Variants in RNLS observed in about 807,000 individuals in gnomAD.
RNLS encodes renalase.
RNLS carries 39 observed loss-of-function variants against 39.8 expected under a neutral mutation model. The observed-to-expected ratio is 0.98, with a 90% CI of 0.76 to 1.28. The LOEUF (loss-of-function observed/expected upper bound fraction) is 1.28. Ranked by LOEUF, RNLS falls within the 50% of genes most tolerant of loss-of-function variation. The pLI is 0.00. For synonymous variants in RNLS, 147 were observed against 150.7 expected (o/e 0.98, Z 0.18); for missense variants, 410 against 413.3 (o/e 0.99, Z 0.07).
the RNLS span, among the ~76,000 whole-genome samples, chr10:88,252,322 C>T: frequency 1.3e-5 from 2 of 152,248 alleles, no homozygotes; most frequent in South Asian, 2.1e-4. Flanking sequence ...TTCTCTAAGC[C>T]GTCAATCAGA....
intron 5 of RNLS, among the ~76,000 whole-genome samples, chr10:88,362,342 T>C (rs750346371): frequency 6.6e-6 from 1 of 152,162 alleles, no homozygotes; most frequent in Admixed American, 6.6e-5. Flanking sequence ...CTCAGTAATA[T>C]AAACCATGTG....
At chr10:88,451,330 G>A (rs1297271055) in intron 4 of RNLS, among the ~76,000 whole-genome samples, 2 of 152,210 alleles carry the variant, frequency 1.3e-5, no homozygotes, top group African/African-American at 4.8e-5. Flanking sequence ...GGATAGAAGT[G>A]ACTGGAGAAG....
At chr10:88,570,141 G>A (rs1207784293) in intron 4 of RNLS, among the ~76,000 whole-genome samples, 1 of 151,980 alleles carries the variant, frequency 6.6e-6, no homozygotes, top group Non-Finnish European at 1.5e-5. Context: ...ATTAATACAA[G>A]AAAAAATACT....
chr10:88,494,858 C>T (rs1845078402), intron 4 of RNLS, among the ~76,000 whole-genome samples: 1 of 152,104 alleles, frequency 6.6e-6, no homozygotes, highest in Non-Finnish European at 1.5e-5. Flanking sequence ...AATTTCAGGA[C>T]ATCAAGAAAA....
chr10:88,334,151 G>A (rs1847317770), intron 5 of RNLS, among the ~76,000 whole-genome samples: 1 of 152,128 alleles, frequency 6.6e-6, no homozygotes, highest in African/African-American at 2.4e-5. Context: ...AATTATTTCT[G>A]ATATAGCTAA....
intron 4 of RNLS, among the ~76,000 whole-genome samples, chr10:88,478,718 T>A (rs1255457299): frequency 6.6e-6 from 1 of 152,164 alleles, no homozygotes; most frequent in Admixed American, 6.6e-5. Flanking sequence ...TATAATATAC[T>A]CTGTACCATT....
chr10:88,469,860 T>TGC (rs1251894031), intron 4 of RNLS, among the ~76,000 whole-genome samples: 8 of 148,520 alleles, frequency 5.4e-5, no homozygotes, highest in Middle Eastern at 3.5e-3. Context: ...TGTGTGTGTG[T>TGC]GCTTTGCTCC....
At chr10:88,293,625 T>C (rs1400044501) in intron 6 of RNLS, among the ~76,000 whole-genome samples, 1 of 152,130 alleles carries the variant, frequency 6.6e-6, no homozygotes, top group Non-Finnish European at 1.5e-5. Flanking sequence ...AAATTTTTAA[T>C]TGAAGAATTA....
chr10:88,357,871 A>G (rs551545374), intron 5 of RNLS, among the ~76,000 whole-genome samples: 113 of 152,332 alleles, frequency 7.4e-4, no homozygotes, highest in African/African-American at 2.6e-3. Flanking sequence ...GAGTCAAAAA[A>G]TGGATGGAGC....
intron 4 of RNLS, among the ~76,000 whole-genome samples, chr10:88,546,362 A>G (rs1196266245): frequency 6.6e-6 from 1 of 152,034 alleles, no homozygotes; most frequent in East Asian, 1.9e-4. Context: ...AAAAAGAAAA[A>G]ATGATTTGCT....
chr10:88,380,876 C>T (rs1270790904), intron 4 of RNLS, among the ~76,000 whole-genome samples: 4 of 152,150 alleles, frequency 2.6e-5, no homozygotes, highest in African/African-American at 9.7e-5. Flanking sequence ...TCAGTTGTCT[C>T]TGTACCATTT....
chr10:88,344,700 T>A (rs550127170), intron 5 of RNLS, among the ~76,000 whole-genome samples: 4 of 152,274 alleles, frequency 2.6e-5, no homozygotes, highest in Non-Finnish European at 5.9e-5. Flanking sequence ...TGTAAGGATA[T>A]ATAACAACAG....
At chr10:88,501,245 T>C (rs1845469030) in intron 4 of RNLS, among the ~76,000 whole-genome samples, 1 of 152,126 alleles carries the variant, frequency 6.6e-6, no homozygotes. Flanking sequence ...TAATTATGAA[T>C]TAGCTGTAAA....
At chr10:88,352,646 T>C (rs528710212) in intron 5 of RNLS, among the ~76,000 whole-genome samples, 1 of 152,364 alleles carries the variant, frequency 6.6e-6, no homozygotes, top group Admixed American at 6.5e-5. Flanking sequence ...ATCAGGGATA[T>C]TGGCCTAAGG....
intron 4 of RNLS, among the ~76,000 whole-genome samples, chr10:88,380,385 T>TA (rs1851359057): frequency 1.1e-5 from 1 of 94,436 alleles, no homozygotes; most frequent in Non-Finnish European, 2.1e-5. Flanking sequence ...TTTTTTTTTT[T>TA]TTTTTGAGAC....
At chr10:88,365,170 C>T (rs1849963885) in intron 4 of RNLS, among the ~76,000 whole-genome samples, 1 of 151,974 alleles carries the variant, frequency 6.6e-6, no homozygotes, top group Non-Finnish European at 1.5e-5. Flanking sequence ...ACAATTCATT[C>T]CGAGAACAGG....
the RNLS span, among the ~76,000 whole-genome samples, chr10:88,213,648 C>G: frequency 6.6e-6 from 1 of 152,070 alleles, no homozygotes; most frequent in Non-Finnish European, 1.5e-5. Context: ...TCTTGAAACT[C>G]CCCAGTTGAA....
chr10:88,505,683 AT>A (rs1422518723), intron 4 of RNLS, among the ~76,000 whole-genome samples: 8 of 152,272 alleles, frequency 5.3e-5, no homozygotes, highest in African/African-American at 1.9e-4. Context: ...CTTAAAGATT[AT>A]TTATTAATTT....
At chr10:88,541,439 T>C (rs528877114) in intron 4 of RNLS, among the ~76,000 whole-genome samples, 1 of 152,262 alleles carries the variant, frequency 6.6e-6, no homozygotes, top group East Asian at 1.9e-4. Context: ...CTCTTGAATA[T>C]CCACATATCC....
Sources: gnomAD v4.1 joint callset for allele counts (sites outside exome capture counted in the v4.1 genomes callset) on GRCh38, gnomAD v4.1.1 for gene constraint, MANE v1.5 for transcripts, NCBI Gene and HGNC (gene_info 2026-07-23, HGNC 2026-07-21) for gene names.